Variants in PRKCE observed in about 807,000 individuals in gnomAD.
PRKCE encodes protein kinase C epsilon type.
Under a neutral mutation model 85.4 loss-of-function variants are expected in PRKCE, and 16 were observed. That is an observed-to-expected ratio of 0.19 (90% CI 0.13 to 0.28). The LOEUF (loss-of-function observed/expected upper bound fraction) is 0.28, where lower values mean the gene tolerates loss of function less well. Among genes scored for constraint, PRKCE ranks in the 10% least tolerant of loss-of-function variants. PRKCE has a pLI of 1.00. For missense variants in PRKCE, 573 were observed against 975.2 expected, an observed-to-expected ratio of 0.59 and a Z score of 5.49; for synonymous variants, 388 against 371.5, an observed-to-expected ratio of 1.04 and a Z score of -0.51.
intron 1 of PRKCE, among the ~76,000 whole-genome samples, chr2:45,719,053 CT>C (rs1191967245): frequency 6.6e-6 from 1 of 152,244 alleles, no homozygotes; most frequent in Non-Finnish European, 1.5e-5. Context: ...ATTCTTGAGA[CT>C]TTTCTTCACA....
At chr2:45,747,790 A>T (rs534038414) in intron 1 of PRKCE, among the ~76,000 whole-genome samples, 2 of 152,318 alleles carry the variant, frequency 1.3e-5, no homozygotes, top group South Asian at 2.1e-4. Flanking sequence ...ACTGTTTTTC[A>T]TAGCAGCTGC....
chr2:45,711,281 G>A (rs981293283), intron 1 of PRKCE, among the ~76,000 whole-genome samples: 12 of 152,174 alleles, frequency 7.9e-5, no homozygotes, highest in African/African-American at 2.9e-4. Context: ...ACAGCTGCAA[G>A]GTACTTTCCA....
chr2:45,829,622 A>G (rs1472319064), intron 1 of PRKCE, among the ~76,000 whole-genome samples: 1 of 152,198 alleles, frequency 6.6e-6, no homozygotes, highest in African/African-American at 2.4e-5. Context: ...AGGGCACAGG[A>G]ACCTAGCATA....
At chr2:46,122,573 A>G (rs1451038156) in intron 11 of PRKCE, among the ~76,000 whole-genome samples, 1 of 152,120 alleles carries the variant, frequency 6.6e-6, no homozygotes, top group Non-Finnish European at 1.5e-5. Flanking sequence ...GAAATATGTA[A>G]ATAGTCCTCA....
At chr2:46,100,416 G>C (rs1025897902) in intron 11 of PRKCE, among the ~76,000 whole-genome samples, 4 of 152,170 alleles carry the variant, frequency 2.6e-5, no homozygotes, top group Admixed American at 2.6e-4. Flanking sequence ...AGTTGTATTT[G>C]CTCCTGTGGC....
intron 1 of PRKCE, among the ~76,000 whole-genome samples, chr2:45,716,656 G>A (rs1430835844): frequency 7.2e-6 from 1 of 139,706 alleles, no homozygotes; most frequent in Non-Finnish European, 1.5e-5. Flanking sequence ...AGAAGAAGGA[G>A]AAGGAGAAGA....
At chr2:45,850,861 G>T (rs952990445) in intron 2 of PRKCE, among the ~76,000 whole-genome samples, 10 of 152,160 alleles carry the variant, frequency 6.6e-5, no homozygotes, top group African/African-American at 2.2e-4. Flanking sequence ...CATTTCTTCA[G>T]TTGGAAGCAT....
intron 2 of PRKCE, among the ~76,000 whole-genome samples, chr2:45,976,110 A>T (rs1204395801): frequency 6.6e-6 from 1 of 151,938 alleles, no homozygotes; most frequent in East Asian, 1.9e-4. Flanking sequence ...GAGCCTTTTG[A>T]CCCCCAAGCC....
At chr2:45,866,972 A>G (rs376946066) in intron 2 of PRKCE, among the ~76,000 whole-genome samples, 2 of 152,266 alleles carry the variant, frequency 1.3e-5, no homozygotes, top group East Asian at 1.9e-4. Flanking sequence ...TTTTACCATG[A>G]TAGACTATTT....
chr2:45,743,595 A>G (rs543162232), intron 1 of PRKCE, among the ~76,000 whole-genome samples: 2 of 152,026 alleles, frequency 1.3e-5, no homozygotes, highest in African/African-American at 2.4e-5. Flanking sequence ...CACTGAGCCA[A>G]CTCTGGTTTA....
At chr2:45,902,245 C>T (rs76156129) in intron 2 of PRKCE, among the ~76,000 whole-genome samples, 4 of 152,144 alleles carry the variant, frequency 2.6e-5, no homozygotes, top group African/African-American at 4.8e-5. Context: ...AGCCAGCTCA[C>T]GGCTCTCTTA....
rs906319728 is a variant in PRKCE at position 45,870,862 on chromosome 2, C to T, written c.412+27799C>T. On this transcript the variant is annotated intron_variant, in intron 2 of 14. Coordinates refer to ENST00000306156, the MANE Select transcript of PRKCE (RefSeq NM_005400.3). ...AGTAACGTACTGGGCACATAGTGAGCGCTTGGTGATGACAAAGACACTAGA... is the reference window on the plus strand; with the variant it reads ...AGTAACGTACTGGGCACATAGTGAGTGCTTGGTGATGACAAAGACACTAGA... Among the ~76,000 whole-genome samples the T allele has an allele frequency of 4.6e-5, 7 of 152,134 alleles. No individual in the cohort carries two copies. The South Asian group carries it at 8.3e-4, about 18-fold the overall frequency.
intron 2 of PRKCE, among the ~76,000 whole-genome samples, chr2:45,919,617 A>C (rs974675560): frequency 1.3e-5 from 2 of 152,240 alleles, no homozygotes; most frequent in African/African-American, 2.4e-5. Flanking sequence ...GGGGCGGGGA[A>C]GGCCACCAGG....
Position 46,184,367 on chromosome 2 carries a change from G to A in PRKCE, c.2068-368G>A, listed in dbSNP as rs543161464. Among the ~76,000 whole-genome samples the A allele has an allele frequency of 6.6e-6, 1 of 151,930 alleles. No homozygotes were observed. Among genetic ancestry groups the A allele is most frequent in the African/African-American group, 2.4e-5 (1 of 41,316 alleles). On this transcript the variant is annotated intron_variant, in intron 14 of 14. Transcript: ENST00000306156. This position sits in a 1 kb window ranked among gnomAD's most constrained non-coding sequence, Gnocchi z 5.0. The stretch of plus-strand genomic sequence containing the variant: ...GGTCACAGGGAGGAATGTTGTAATG[G>A]AGCCAGTAGGTTACAGCAGTTGCTG...
At chr2:45,754,711 C>T (rs1289698956) in intron 1 of PRKCE, among the ~76,000 whole-genome samples, 1 of 152,192 alleles carries the variant, frequency 6.6e-6, no homozygotes, top group Non-Finnish European at 1.5e-5. Flanking sequence ...TTTAGCTTCC[C>T]CATCCAAATC....
intron 2 of PRKCE, among the ~76,000 whole-genome samples, chr2:45,869,748 C>A (rs910600239): frequency 3.7e-5 from 5 of 134,246 alleles, no homozygotes; most frequent in African/African-American, 1.3e-4. Flanking sequence ...CACTCTGTCA[C>A]CCAGGCTGGA....
chr2:45,757,368 A>ATAAAGCTAT (rs1439923194), intron 1 of PRKCE, among the ~76,000 whole-genome samples: 1 of 151,874 alleles, frequency 6.6e-6, no homozygotes, highest in Non-Finnish European at 1.5e-5. Context: ...CTGTCCATTA[A>ATAAAGCTAT]TAAAGCTATT....
chr2:45,916,660 T>G (rs899774212), intron 2 of PRKCE, among the ~76,000 whole-genome samples: 1 of 152,154 alleles, frequency 6.6e-6, no homozygotes, highest in Non-Finnish European at 1.5e-5. Context: ...GGTGTTCTGA[T>G]CTCTTAGATT....
intron 5 of PRKCE, 132 bp from the exon 6 acceptor site, chr2:45,984,419 A>T: frequency 7.5e-7 from 1 of 1,324,552 alleles, no homozygotes; most frequent in Non-Finnish European, 1.0e-6. Context: ...GGCAGCTTTT[A>T]GAGCCAAGCT....
Sources: gnomAD v4.1 joint callset for allele counts (sites outside exome capture counted in the v4.1 genomes callset) on GRCh38, gnomAD v4.1.1 for gene constraint, Gnocchi (gnomAD v3.1) non-coding constraint, MANE v1.5 for transcripts, NCBI Gene and HGNC (gene_info 2026-07-23, HGNC 2026-07-21) for gene names.